Variants in KIF3A observed in about 807,000 individuals in gnomAD.
KIF3A encodes the protein kinesin-like protein KIF3A.
KIF3A carries 27 observed loss-of-function variants against 92.6 expected under a neutral mutation model. The observed-to-expected ratio is 0.29, with a 90% CI of 0.21 to 0.40. The LOEUF (loss-of-function observed/expected upper bound fraction) is 0.40. Ranked by LOEUF, KIF3A falls within the 10% of genes least tolerant of loss-of-function variation. KIF3A has a pLI of 1.00. For missense variants in KIF3A, 581 were observed against 872.6 expected, an observed-to-expected ratio of 0.67 and a Z score of 4.21; for synonymous variants, 250 against 275.4, an observed-to-expected ratio of 0.91 and a Z score of 0.92.
intron 18 of KIF3A, chr5:132,697,914 C>T (rs1282858925): frequency 3.3e-5 from 5 of 152,146 alleles, no homozygotes; most frequent in African/African-American, 7.2e-5. Context: ...TATCATCACA[C>T]TTGCACTGTC....
downstream of KIF3A, among the ~76,000 whole-genome samples, chr5:132,691,492 A>G (rs1401006486): frequency 6.6e-6 from 1 of 151,702 alleles, no homozygotes; most frequent in Non-Finnish European, 1.5e-5. Context: ...GATTGCAGTG[A>G]GCTGAGATCG....
intron 2 of KIF3A, among the ~76,000 whole-genome samples, chr5:132,727,050 G>C (rs1754057116): frequency 6.6e-6 from 1 of 152,186 alleles, no homozygotes; most frequent in African/African-American, 2.4e-5. Context: ...GAAAGTATCA[G>C]TAAAATGATA....
intron 4 of KIF3A, among the ~76,000 whole-genome samples, chr5:132,720,988 A>ACTAAGCTAGTGAAGG (rs1290562890): frequency 3.9e-5 from 6 of 152,234 alleles, no homozygotes; most frequent in African/African-American, 1.2e-4. Context: ...AAAATTCCCC[A>ACTAAGCTAGTGAAGG]AGATGATGTT....
chr5:132,730,578 G>C (rs1029932559), intron 2 of KIF3A, among the ~76,000 whole-genome samples: 1 of 152,124 alleles, frequency 6.6e-6, no homozygotes, highest in African/African-American at 2.4e-5. Context: ...GTTGAGTCCA[G>C]GAGTTCAAGA....
intron 1 of KIF3A, among the ~76,000 whole-genome samples, chr5:132,734,886 T>C (rs1261046282): frequency 3.3e-5 from 5 of 152,208 alleles, no homozygotes; most frequent in African/African-American, 4.8e-5. Flanking sequence ...CCTGAGACTT[T>C]AGTTTTATTT....
chr5:132,734,619 C>A, intron 1 of KIF3A, 141 bp from the exon 2 acceptor site: 2 of 655,242 alleles, frequency 3.1e-6, no homozygotes, highest in South Asian at 2.5e-5. Flanking sequence ...TTGTTAAATG[C>A]AATTAAAGAT....
At chr5:132,689,696 G>GT (rs1752617794), downstream of KIF3A, 1 of 152,218 alleles carries the variant, frequency 6.6e-6, no homozygotes, top group Admixed American at 6.5e-5. Flanking sequence ...TGGCTCAGTG[G>GT]TATCGCTTGA....
intron 4 of KIF3A, among the ~76,000 whole-genome samples, chr5:132,724,792 TAAAAAAAA>T (rs756540926): frequency 1.1e-4 from 7 of 64,358 alleles, no homozygotes; most frequent in African/African-American, 2.1e-4. Context: ...TAAAGTATAA[TAAAAAAAA>T]AAAAAAATAT....
chr5:132,694,982 C>G lies in KIF3A; in HGVS notation c.*1652G>C, dbSNP rs1041836900. ...AAGAGTACTCCACCTTCACTCACCC[C>G]TACTCTATACACAGCTTTGTCATTT... On this transcript the variant is annotated 3_prime_UTR_variant, in exon 19 of 19. Transcript: ENST00000403231. 2 of 152,178 alleles carry G rather than the reference C, an allele frequency of 1.3e-5. No individual in the cohort carries two copies. The highest frequency in any genetic ancestry group is 4.8e-5 in the African/African-American group (2 of 41,416). 9.4% of individuals were successfully genotyped at this position (152,178 alleles called of 1,614,324 possible). A position where few individuals can be genotyped will look rare whatever the true frequency, so the allele number is the denominator to read the frequency against.
chr5:132,700,777 TTAA>T (rs1188505802), intron 15 of KIF3A, 77 bp from the exon 16 acceptor site: 38 of 851,490 alleles, frequency 4.5e-5, no homozygotes, highest in Non-Finnish European at 7.1e-5. Flanking sequence ...AACTAAAATC[TTAA>T]TAACATTGAG....
At chr5:132,709,055 A>T in intron 9 of KIF3A, 77 bp from the exon 10 acceptor site, 1 of 1,167,458 alleles carries the variant, frequency 8.6e-7, no homozygotes, top group East Asian at 2.6e-5. Flanking sequence ...ACAGAGAAAA[A>T]TTCAGTTTTC....
chr5:132,710,480 G>T (rs1382514933), intron 9 of KIF3A, among the ~76,000 whole-genome samples: 1 of 152,170 alleles, frequency 6.6e-6, no homozygotes, highest in Non-Finnish European at 1.5e-5. Flanking sequence ...GCCGGGCGAG[G>T]TGGCATTTGC....
intron 12 of KIF3A, 25 bp from the exon 13 acceptor site, chr5:132,703,090 T>C (rs1561692457): frequency 3.2e-6 from 5 of 1,546,532 alleles, no homozygotes; most frequent in Non-Finnish European, 1.7e-6. Flanking sequence ...GAGAATACTC[T>C]ATATTCACTG....
intron 2 of KIF3A, among the ~76,000 whole-genome samples, chr5:132,727,333 G>A (rs1754066865): frequency 6.6e-6 from 1 of 152,290 alleles, no homozygotes; most frequent in South Asian, 2.1e-4. Flanking sequence ...TCATGATGAT[G>A]AGTATTCAGA....
downstream of KIF3A, among the ~76,000 whole-genome samples, chr5:132,689,287 T>A (rs1752609117): frequency 6.6e-6 from 1 of 152,220 alleles, no homozygotes; most frequent in South Asian, 2.1e-4. Flanking sequence ...CTGTGTTAAC[T>A]CCTTCTGTAA....
chr5:132,706,342 T>C, intron 11 of KIF3A, 109 bp downstream of exon 11: 1 of 633,466 alleles, frequency 1.6e-6, no homozygotes, highest in Non-Finnish European at 2.5e-6. Flanking sequence ...GATAGATACT[T>C]ACCTGGTAAA....
chr5:132,706,343 A>G, intron 11 of KIF3A, 108 bp downstream of exon 11: 1 of 634,794 alleles, frequency 1.6e-6, no homozygotes, highest in Non-Finnish European at 2.5e-6. Flanking sequence ...ATAGATACTT[A>G]CCTGGTAAAA....
chr5:132,736,508 G>A lies in KIF3A; in HGVS notation c.6+906C>T, dbSNP rs184154337. On this transcript the variant is annotated intron_variant, in intron 1 of 18. Coordinates refer to ENST00000403231, the MANE Select transcript of KIF3A (RefSeq NM_001300791.2). ...AGAAGGCAAGCCTCTCTCTTTCCAA[G>A]TTCAAGAACCTGACTGGTGTTGCTC... Among the ~76,000 whole-genome samples, 483 of 152,332 alleles carry A rather than the reference G, an allele frequency of 3.2e-3. 2 individuals are homozygous for A. Among genetic ancestry groups the A allele is most frequent in the South Asian group, 6.6e-3 (32 of 4,830 alleles).
intron 4 of KIF3A, 148 bp downstream of exon 4, chr5:132,725,980 T>C: frequency 2.0e-6 from 1 of 491,082 alleles, no homozygotes; most frequent in Non-Finnish European, 3.6e-6. Flanking sequence ...TATCCCCAGA[T>C]ATGTCTGCAG....
Sources: allele counts gnomAD v4.1 joint callset (sites outside exome capture counted in the v4.1 genomes callset), GRCh38; gene constraint gnomAD v4.1.1; transcripts MANE v1.5; gene names NCBI Gene and HGNC (gene_info 2026-07-23, HGNC 2026-07-21).